Variants in ATF6B observed in about 807,000 individuals in gnomAD.
ATF6B encodes the protein cyclic AMP-dependent transcription factor ATF-6 beta.
A neutral mutation model predicts 83.5 loss-of-function variants in ATF6B; 50 were observed. The observed-to-expected ratio is 0.60, with a 90% CI of 0.48 to 0.76. The LOEUF is 0.76. Among genes scored for constraint, ATF6B ranks in the 30% least tolerant of loss-of-function variants. ATF6B has a pLI of 0.00. For missense variants in ATF6B, 790 were observed against 893.8 expected, an observed-to-expected ratio of 0.88 and a Z score of 1.48; for synonymous variants, 344 against 362.8, an observed-to-expected ratio of 0.95 and a Z score of 0.59.
rs767311237 is a variant in ATF6B, at chr6:32,121,376, T to C, written c.479-28A>G. The C allele has an allele frequency of 8.8e-6, 14 of 1,593,750 alleles. No homozygotes were observed. The East Asian group carries it at 2.9e-4, about 33-fold the overall frequency. On this transcript the variant is annotated intron_variant, in intron 5 of 17. Transcript: ENST00000375203. ...GTGGGAGGCAGGATGAGGCAAAAGC[T>C]GGATATCATGTAAACACTGAAGGGT...
Position 32,128,121 on chromosome 6 carries a change from C to G in ATF6B, c.87G>C (p.Leu29=). The change falls in exon 1 of 18, where the codon CTG becomes CTC. Residue 29 remains leucine, a synonymous_variant. Transcript: ENST00000375203. ...DNLLSPEDWG[L]QNSTLYSGLD... is the part of the protein sequence containing the mutation. Reference sequence around the variant, plus strand: ...CTCCCCTCCCCGGTGCCTCACTCTGCAGACCCCAGTCCTCCGGGCTAAGCA... The same window carrying G: ...CTCCCCTCCCCGGTGCCTCACTCTGGAGACCCCAGTCCTCCGGGCTAAGCA... 1 of 1,613,220 alleles carries G rather than the reference C, an allele frequency of 6.2e-7. No homozygotes were observed. The highest frequency in any genetic ancestry group is 1.3e-5 in the African/African-American group (1 of 74,982).
rs1781552425 is a variant in ATF6B at position 32,116,920 on chromosome 6, A to G, written c.1686-105T>C. ...GAAAAAGACAGGAGACCCCCAGTGGAGGAGGGAGGTATAATCCCACTGGTG... is the reference window on the plus strand; with the variant it reads ...GAAAAAGACAGGAGACCCCCAGTGGGGGAGGGAGGTATAATCCCACTGGTG... On this transcript the variant is annotated intron_variant, in intron 15 of 17. Coordinates refer to ENST00000375203, the MANE Select transcript of ATF6B (RefSeq NM_004381.5). This position sits in a 1 kb window ranked among gnomAD's most constrained non-coding sequence, Gnocchi z 5.1. 6 of 1,516,362 alleles carry G rather than the reference A, an allele frequency of 4.0e-6. No homozygotes were observed. The highest frequency in any genetic ancestry group is 3.7e-6 in the Non-Finnish European group (4 of 1,094,040). 93.9% of individuals were successfully genotyped at this position (1,516,362 alleles called of 1,614,324 possible).
chr6:32,116,642 C>T lies in ATF6B; in HGVS notation c.1797+62G>A. 2 of 1,604,852 alleles carry T rather than the reference C, an allele frequency of 1.2e-6. No individual in the cohort carries two copies. Among genetic ancestry groups the T allele is most frequent in the East Asian group, 2.2e-5 (1 of 44,820 alleles). ...CTCCCCAGCCCTACTCTACATCCCCCCACTGAAGACAGACTGCTGGGAACC... is the reference window on the plus strand; with the variant it reads ...CTCCCCAGCCCTACTCTACATCCCCTCACTGAAGACAGACTGCTGGGAACC... On this transcript the variant is annotated intron_variant, in intron 16 of 17. Transcript: ENST00000375203. This position sits in a 1 kb window ranked among gnomAD's most constrained non-coding sequence, Gnocchi z 5.1.
Position 32,116,331 on chromosome 6 carries a change from G to C in ATF6B, c.1882+149C>G, listed in dbSNP as rs1394208344. 3 of 735,966 alleles carry C rather than the reference G, an allele frequency of 4.1e-6. No homozygotes were observed. Among genetic ancestry groups the C allele is most frequent in the Non-Finnish European group, 6.6e-6 (3 of 453,102 alleles). 45.6% of individuals were successfully genotyped at this position (735,966 alleles called of 1,614,324 possible). A position where few individuals can be genotyped will look rare whatever the true frequency, so the allele number is the denominator to read the frequency against. On this transcript the variant is annotated intron_variant, in intron 17 of 17. Transcript: ENST00000375203. This position sits in a 1 kb window ranked among gnomAD's most constrained non-coding sequence, Gnocchi z 5.1. ...GTCTCCCTCCCAAGTCTCCTGCATG[G>C]TGCTCTTCCCTCCACCTACTTCCTG...
In ATF6B at chr6:32,117,848, T is replaced by A. The variant is rs1248043386; in HGVS notation, c.1424+11A>T. ...CTCAAACGAGAGGGGGCCCTCTCTC[T>A]CTCTCCTCACCTGAAACTGGGCTGG... On this transcript the variant is annotated intron_variant, in intron 12 of 17. Transcript: ENST00000375203. This position sits in a 1 kb window ranked among gnomAD's most constrained non-coding sequence, Gnocchi z 5.0. The A allele has an allele frequency of 2.6e-6, 4 of 1,558,670 alleles. No individual in the cohort carries two copies. The East Asian group carries it at 6.7e-5, about 26-fold the overall frequency.
rs766931990 is a variant in ATF6B, at chr6:32,115,931, C to T, written c.1920G>A (p.Glu640=). ...CCTCACACTCGATCTGCATCATCTC[C>T]TCATAGTCCCCCGGGGCCCCACGGC... The part of the protein sequence containing the change: ...LSGRGAPGDY[E]EMMQIECEVM... The change falls in exon 18 of 18, where the codon GAG becomes GAA. Residue 640 remains glutamate, a synonymous_variant. Coordinates refer to ENST00000375203, the MANE Select transcript of ATF6B (RefSeq NM_004381.5). The T allele has an allele frequency of 6.2e-6, 10 of 1,614,062 alleles. No individual in the cohort carries two copies. The East Asian group carries it at 2.2e-4, about 36-fold the overall frequency.
rs759475542 is a variant in ATF6B at position 32,126,144 on chromosome 6, C to T, written c.451G>A (p.Val151Ile). 3.0e-5 allele frequency: 49 copies of T among 1,614,014 alleles called. No individual in the cohort carries two copies. Among genetic ancestry groups the T allele is most frequent in the Non-Finnish European group, 4.1e-5 (48 of 1,180,040 alleles). ...TSSFETVQIN[V>I]IPTSDDSSDV... ...GAGGAATCATCAGAGGTGGGGATAA[C>T]GTTGATCTGGACGGTTTCAAATGAG... Residue 151 changes from valine to isoleucine, a missense_variant, in exon 5 of 18, where the codon GTT becomes ATT. Around this residue, in one of 3 missense-constraint regions of ATF6B, gnomAD observed 253 missense variants for 243.1 expected, o/e 1.04. Coordinates refer to ENST00000375203, the MANE Select transcript of ATF6B (RefSeq NM_004381.5).
At chr6:32,121,437 T>C in intron 5 of ATF6B, 89 bp from the exon 6 acceptor site, 1 of 1,305,566 alleles carries the variant, frequency 7.7e-7, no homozygotes, top group East Asian at 2.5e-5. Context: ...GCATGGTGGC[T>C]CACGCCTGTA....
Position 32,116,621 on chromosome 6 carries a change from C to T in ATF6B, c.1798-57G>A, listed in dbSNP as rs1009757757. 3 of 1,602,522 alleles carry T rather than the reference C, an allele frequency of 1.9e-6. No individual in the cohort carries two copies. The highest frequency in any genetic ancestry group is 2.6e-6 in the Non-Finnish European group (3 of 1,170,806). The stretch of plus-strand genomic sequence containing the variant: ...GGAGGCAAAGATGCCAACAAGCTCC[C>T]CAGCCCTACTCTACATCCCCCCACT... On this transcript the variant is annotated intron_variant, in intron 16 of 17. Coordinates refer to ENST00000375203, the MANE Select transcript of ATF6B (RefSeq NM_004381.5). The surrounding 1 kb of genome is among the most constrained non-coding windows in gnomAD (Gnocchi z 5.1).
intron 4 of ATF6B, 150 bp downstream of exon 4, chr6:32,126,952 CG>C: frequency 1.9e-6 from 1 of 516,830 alleles, no homozygotes; most frequent in Admixed American, 4.0e-5. Context: ...ATTAAGGAAA[CG>C]GCAAAGGTAG....
At chr6:32,120,176 C>T (rs1781699412) in intron 8 of ATF6B, 11 of 377,782 alleles carry the variant, frequency 2.9e-5, no homozygotes, top group Non-Finnish European at 4.6e-5. Flanking sequence ...CGGCTCACTG[C>T]AAGCTCCGCC....
Position 32,116,729 on chromosome 6 carries a change from G to A in ATF6B, c.1772C>T (p.Thr591Ile), listed in dbSNP as rs780077430. 7 of 1,614,158 alleles carry A rather than the reference G, an allele frequency of 4.3e-6. No individual in the cohort carries two copies. The highest frequency in any genetic ancestry group is 2.2e-5 in the South Asian group (2 of 91,076). ...FLDAIDRRED[T>I]FYVVSFRRDH... ...CCTTCGGAAAGAGACAACATAAAATGTGTCTTCCCGTCGGTCAATTGCATC... is the reference window on the plus strand; with the variant it reads ...CCTTCGGAAAGAGACAACATAAAATATGTCTTCCCGTCGGTCAATTGCATC... Residue 591 changes from threonine to isoleucine, a missense_variant, in exon 16 of 18, where the codon ACA becomes ATA. Thr to Ile is a moderately conservative substitution (Grantham distance 89). Around this residue, in one of 3 missense-constraint regions of ATF6B, gnomAD observed 530 missense variants for 632.6 expected, o/e 0.84. Transcript: ENST00000375203. This position sits in a 1 kb window ranked among gnomAD's most constrained non-coding sequence, Gnocchi z 5.1.
chr6:32,126,983 C>T, intron 4 of ATF6B, 120 bp downstream of exon 4: 2 of 827,010 alleles, frequency 2.4e-6, no homozygotes, highest in Non-Finnish European at 3.4e-6. Context: ...CCCCCCACAC[C>T]TCACACACCT....
Position 32,121,049 on chromosome 6 carries a change from G to A in ATF6B, c.640C>T (p.Pro214Ser). The A allele has an allele frequency of 1.3e-6, 2 of 1,556,408 alleles. No individual in the cohort carries two copies. Among genetic ancestry groups the A allele is most frequent in the Admixed American group, 2.0e-5 (1 of 50,604 alleles). The change falls in exon 7 of 18, where the codon CCA (proline) becomes TCA (serine). Residue 214 changes from proline to serine, a missense_variant. By Grantham distance (74) the Pro-to-Ser change is moderately conservative. Coordinates refer to ENST00000375203, the MANE Select transcript of ATF6B (RefSeq NM_004381.5). ...SPSGCLLWDV[P>S]APSLGAVQIS... The stretch of plus-strand genomic sequence containing the variant: ...TGGACAGCTCCAAGTGAGGGGGCTG[G>A]GACATCCCACAGGAGGCATCCTGAA...
At chr6:32,122,204 CATAA>C (rs1781791789) in intron 5 of ATF6B, among the ~76,000 whole-genome samples, 1 of 152,172 alleles carries the variant, frequency 6.6e-6, no homozygotes, top group Non-Finnish European at 1.5e-5. Context: ...TCTAACTGGC[CATAA>C]ATGAGGCTTC....
Position 32,119,157 on chromosome 6 carries a change from G to A in ATF6B, c.967-16C>T. 4.4e-6 allele frequency: 7 copies of A among 1,597,956 alleles called. No individual in the cohort carries two copies. Among genetic ancestry groups the A allele is most frequent in the Non-Finnish European group, 6.0e-6 (7 of 1,174,948 alleles). On this transcript the variant is annotated splice_polypyrimidine_tract_variant and intron_variant, in intron 9 of 17. Transcript: ENST00000375203. The surrounding 1 kb of genome is among the most constrained non-coding windows in gnomAD (Gnocchi z 4.9). ...GCAGCTTTGCCTAGGCACCCGGAAG[G>A]TCAAAAAAGAATGACAGATGAGTTG...
At position 32,118,769 on chromosome 6, in the gene ATF6B, T is replaced by C; in HGVS notation, c.1244+6A>G. On this transcript the variant is annotated splice_donor_region_variant and intron_variant, in intron 11 of 17. Coordinates refer to ENST00000375203, the MANE Select transcript of ATF6B (RefSeq NM_004381.5). This position sits in a 1 kb window ranked among gnomAD's most constrained non-coding sequence, Gnocchi z 5.2. ...GAAGGTTCTAGTGAAGCAAGGAAGG[T>C]CTCACCTGACAGGTCCAAAGTTGAA... is the stretch of plus-strand genomic sequence containing the variant. The C allele has an allele frequency of 2.5e-6, 4 of 1,613,826 alleles. No individual in the cohort carries two copies. Among genetic ancestry groups the C allele is most frequent in the Non-Finnish European group, 3.4e-6 (4 of 1,179,718 alleles).
In ATF6B at chr6:32,116,862, TCA is replaced by T. The variant is rs773705127; in HGVS notation, c.1686-49_1686-48del. The T allele has an allele frequency of 3.4e-5, 55 of 1,595,488 alleles. No individual in the cohort carries two copies. The highest frequency in any genetic ancestry group is 8.4e-5 in the Admixed American group (5 of 59,852). On this transcript the variant is annotated intron_variant, in intron 15 of 17. Coordinates refer to ENST00000375203, the MANE Select transcript of ATF6B (RefSeq NM_004381.5). The surrounding 1 kb of genome is among the most constrained non-coding windows in gnomAD (Gnocchi z 5.1). The stretch of plus-strand genomic sequence containing the variant: ...ATTTGAGGGGAACTAAGCCCAATGC[TCA>T]GTTTCTACCAGGGAAGCGGGTAGGA...
chr6:32,120,194 T>A, intron 8 of ATF6B: 1 of 269,202 alleles, frequency 3.7e-6, no homozygotes, highest in Non-Finnish European at 7.0e-6. Flanking sequence ...GCCTCCCGGG[T>A]TCACGCCATT....
Sources: allele counts gnomAD v4.1 joint callset (sites outside exome capture counted in the v4.1 genomes callset), GRCh38; gene constraint gnomAD v4.1.1; regional missense constraint gnomAD v4.1.1; non-coding constraint Gnocchi (gnomAD v3.1); transcripts MANE v1.5; gene names NCBI Gene and HGNC (gene_info 2026-07-23, HGNC 2026-07-21).